TUSC3: variants seen among roughly 807,000 people sequenced by gnomAD.
TUSC3 encodes the protein dolichyl-diphosphooligosaccharide--protein glycosyltransferase subunit TUSC3.
Under a neutral mutation model 44.8 loss-of-function variants are expected in TUSC3, and 45 were observed. The ratio of observed to expected loss-of-function variants is 1.00; its 90% CI spans 0.79 to 1.29. The LOEUF is 1.29. Among genes scored for constraint, TUSC3 ranks in the 50% most tolerant of loss-of-function variants. TUSC3 has a pLI of 0.00. For missense variants in TUSC3, 519 were observed against 437.9 expected (o/e 1.19, Z -1.65); for synonymous variants, 212 against 152.9 (o/e 1.39, Z -2.85).
chr8:15,777,427 A>G, the TUSC3 span, among the ~76,000 whole-genome samples: 1 of 152,110 alleles, frequency 6.6e-6, no homozygotes, highest in Non-Finnish European at 1.5e-5. Context: ...GCCAAAGCTC[A>G]AAAATTACTG....
intron 2 of TUSC3, among the ~76,000 whole-genome samples, chr8:15,511,211 T>C (rs138155268): frequency 4.6e-5 from 7 of 151,470 alleles, no homozygotes; most frequent in African/African-American, 1.7e-4. Flanking sequence ...TCCTATTCAG[T>C]ATAGTGCTGG....
intron 1 of TUSC3, among the ~76,000 whole-genome samples, chr8:15,588,159 G>T (rs944754052): frequency 5.3e-5 from 8 of 152,014 alleles, no homozygotes; most frequent in African/African-American, 1.9e-4. Flanking sequence ...CATAATGGGG[G>T]TAATAATTTA....
At chr8:15,582,624 A>C (rs1286363426) in intron 1 of TUSC3, among the ~76,000 whole-genome samples, 1 of 152,192 alleles carries the variant, frequency 6.6e-6, no homozygotes, top group Non-Finnish European at 1.5e-5. Context: ...CACCCAGCTA[A>C]AACAGAGTCA....
chr8:15,598,062 G>C (rs1178552591), intron 1 of TUSC3, among the ~76,000 whole-genome samples: 3 of 151,922 alleles, frequency 2.0e-5, no homozygotes, highest in Non-Finnish European at 4.4e-5. Flanking sequence ...TAAATGCTTT[G>C]AGAATCAAGT....
At chr8:15,520,504 T>C (rs1495086) in intron 2 of TUSC3, among the ~76,000 whole-genome samples, 84,611 of 152,074 alleles carry the variant, frequency 0.56, 26,060 homozygotes, top group Non-Finnish European at 0.68. Context: ...ATGGCATTTA[T>C]CTATATTTCT....
chr8:15,749,760 C>G (rs1356098041), intron 9 of TUSC3, among the ~76,000 whole-genome samples: 2 of 146,850 alleles, frequency 1.4e-5, no homozygotes, highest in African/African-American at 2.5e-5. Context: ...TTGCCCTGCT[C>G]TAGGATTGAG....
rs1563175861 is a variant in TUSC3 at position 15,692,374 on chromosome 8, T to TG, written c.798+18539dup. On this transcript the variant is annotated intron_variant, in intron 6 of 10. Transcript: ENST00000503731. ...GGGAGGAGACCCCCCCCCCCCCCTT[T>TG]GTTTTTTTTTTTTTTTTTTTTTTTT... is the stretch of plus-strand genomic sequence containing the variant. 1.3e-4 allele frequency among the ~76,000 whole-genome samples: 8 copies of TG among 61,838 alleles called. No individual in the cohort carries two copies. The East Asian group carries it at 1.9e-3, about 15-fold the overall frequency. 40.6% of individuals were successfully genotyped at this position (61,838 alleles called of 152,430 possible).
At chr8:15,435,221 C>T (rs993438322) in intron 1 of TUSC3, among the ~76,000 whole-genome samples, 19 of 151,868 alleles carry the variant, frequency 1.3e-4, no homozygotes, top group African/African-American at 2.9e-4. Context: ...TTTTAATGAT[C>T]GCCATTCTAA....
At chr8:15,788,469 C>T in the TUSC3 span, among the ~76,000 whole-genome samples, 1 of 150,834 alleles carries the variant, frequency 6.6e-6, no homozygotes, top group Admixed American at 6.6e-5. Flanking sequence ...ATCTCCTGAA[C>T]CCAGGAGGCG....
At position 15,743,555 on chromosome 8, in the gene TUSC3, G is replaced by A; in HGVS notation, c.880G>A (p.Gly294Arg). ...TACTGCAGATGCCGCTATCACCATG[G>A]GGATGGTTCTTCTAAATGAAGCAGC... ...ILVLNAAITMGMVLLNEAATS... is the reference protein window; with the variant it reads ...ILVLNAAITMRMVLLNEAATS... Residue 294 changes from glycine to arginine, a missense_variant, in exon 8 of 11, where the codon GGG becomes AGG. Physicochemically the swap from Gly to Arg is moderately radical, Grantham distance 125. Transcript: ENST00000503731. 6.2e-7 allele frequency: 1 copy of A among 1,613,894 alleles called. No homozygotes were observed. The highest frequency in any genetic ancestry group is 8.5e-7 in the Non-Finnish European group (1 of 1,179,844).
At chr8:15,481,876 C>G (rs1167953564) in intron 1 of TUSC3, among the ~76,000 whole-genome samples, 1 of 152,132 alleles carries the variant, frequency 6.6e-6, no homozygotes, top group Admixed American at 6.5e-5. Context: ...GTGGCAAATT[C>G]TGAAAATGAC....
chr8:15,690,683 G>A (rs1808860028), intron 6 of TUSC3, among the ~76,000 whole-genome samples: 1 of 152,086 alleles, frequency 6.6e-6, no homozygotes, highest in Non-Finnish European at 1.5e-5. Flanking sequence ...TATGTATAGT[G>A]TAAGGAAGGG....
At chr8:15,608,010 T>G (rs2129157557) in intron 1 of TUSC3, among the ~76,000 whole-genome samples, 1 of 152,288 alleles carries the variant, frequency 6.6e-6, no homozygotes, top group African/African-American at 2.4e-5. Flanking sequence ...CAGTTTGGGG[T>G]TTCCTTAGCA....
At chr8:15,462,165 T>C (rs946761345) in intron 1 of TUSC3, among the ~76,000 whole-genome samples, 2 of 152,076 alleles carry the variant, frequency 1.3e-5, no homozygotes, top group East Asian at 1.9e-4. Context: ...ATAATAACTT[T>C]AGCATGTACC....
chr8:15,458,058 C>T (rs1471085087), intron 1 of TUSC3, among the ~76,000 whole-genome samples: 2 of 151,800 alleles, frequency 1.3e-5, no homozygotes, highest in African/African-American at 4.8e-5. Flanking sequence ...AGGAACACAT[C>T]TAGATGCGTT....
In TUSC3 at chr8:15,661,051, A is replaced by G. The variant is rs181731443; in HGVS notation, c.568-1105A>G. Among the ~76,000 whole-genome samples, 18 of 152,008 alleles carry G rather than the reference A, an allele frequency of 1.2e-4. No homozygotes were observed. In the East Asian group the frequency reaches 3.1e-3, roughly 26 times the overall value. On this transcript the variant is annotated intron_variant, in intron 4 of 10. Transcript: ENST00000503731. ...ATTTTATTCCATCTGCTTTGTGATTATCATTCTCCCTGCTACCCCCATGTC... is the reference window on the plus strand; with the variant it reads ...ATTTTATTCCATCTGCTTTGTGATTGTCATTCTCCCTGCTACCCCCATGTC...
the TUSC3 span, among the ~76,000 whole-genome samples, chr8:15,849,752 C>T: frequency 6.6e-6 from 1 of 152,068 alleles, no homozygotes; most frequent in East Asian, 1.9e-4. Context: ...ACAATGCTTT[C>T]TGCCCAAGCA....
At chr8:15,565,973 C>G (rs894614176) in intron 1 of TUSC3, among the ~76,000 whole-genome samples, 22 of 152,258 alleles carry the variant, frequency 1.4e-4, no homozygotes, top group East Asian at 1.4e-3. Context: ...ATAAAGATGA[C>G]TTATTAAAAA....
intron 6 of TUSC3, among the ~76,000 whole-genome samples, chr8:15,682,514 T>C (rs574139230): frequency 1.7e-4 from 26 of 152,320 alleles, no homozygotes; most frequent in African/African-American, 6.3e-4. Flanking sequence ...ATTTGAGTGT[T>C]AGATCGTTTT....
Sources: gnomAD v4.1 joint callset for allele counts (sites outside exome capture counted in the v4.1 genomes callset) on GRCh38, gnomAD v4.1.1 for gene constraint, MANE v1.5 for transcripts, NCBI Gene and HGNC (gene_info 2026-07-23, HGNC 2026-07-21) for gene names.